Variants in HEMK2 observed in about 807,000 individuals in gnomAD.
HEMK2 encodes the protein HemK methyltransferase 2, ETF1 glutamine and histone H4 lysine.
At chr21:28,580,143 A>C in the HEMK2 span, among the ~76,000 whole-genome samples, 9 of 152,186 alleles carry the variant, frequency 5.9e-5, no homozygotes, top group African/African-American at 2.2e-4. Context: ...CACTTTGTAC[A>C]CTTCTTACGT....
chr21:28,735,597 C>T, the HEMK2 span, among the ~76,000 whole-genome samples: 1 of 152,090 alleles, frequency 6.6e-6, no homozygotes, highest in Admixed American at 6.6e-5. Context: ...TAAAAAGAGA[C>T]AAGGGTCCCA....
At chr21:28,818,405 C>T in the HEMK2 span, among the ~76,000 whole-genome samples, 1 of 152,062 alleles carries the variant, frequency 6.6e-6, no homozygotes, top group East Asian at 1.9e-4. Flanking sequence ...GGGACCTCAC[C>T]TTATGATTGT....
At chr21:28,832,413 A>C in the HEMK2 span, among the ~76,000 whole-genome samples, 1 of 152,170 alleles carries the variant, frequency 6.6e-6, no homozygotes, top group East Asian at 1.9e-4. Context: ...CTCCATTACC[A>C]TTGATGTAAA....
chr21:28,681,759 T>C, the HEMK2 span, among the ~76,000 whole-genome samples: 2 of 151,008 alleles, frequency 1.3e-5, no homozygotes, highest in Non-Finnish European at 3.0e-5. Flanking sequence ...TATTTACAAC[T>C]ATCTGATTTT....
the HEMK2 span, among the ~76,000 whole-genome samples, chr21:28,714,685 G>A: frequency 6.6e-6 from 1 of 152,162 alleles, no homozygotes; most frequent in South Asian, 2.1e-4. Context: ...GGGTACATGT[G>A]CAGGTTTGTC....
chr21:28,821,190 A>T, the HEMK2 span, among the ~76,000 whole-genome samples: 1 of 151,748 alleles, frequency 6.6e-6, no homozygotes, highest in Non-Finnish European at 1.5e-5. Flanking sequence ...CCATCACCCG[A>T]CCCCGGCCCC....
the HEMK2 span, among the ~76,000 whole-genome samples, chr21:28,604,186 T>C: frequency 5.6e-4 from 85 of 152,304 alleles, no homozygotes; most frequent in Admixed American, 1.6e-3. Context: ...CCCTGCTTCA[T>C]ATAGAACTGG....
chr21:28,688,221 T>G, the HEMK2 span, among the ~76,000 whole-genome samples: 1 of 152,230 alleles, frequency 6.6e-6, no homozygotes, highest in Non-Finnish European at 1.5e-5. Context: ...CATTGCCCAT[T>G]CATTGAGAGT....
At chr21:28,734,068 A>AT in the HEMK2 span, among the ~76,000 whole-genome samples, 1 of 137,538 alleles carries the variant, frequency 7.3e-6, no homozygotes, top group East Asian at 2.3e-4. Flanking sequence ...CTGAAATACT[A>AT]TAGCAATCAA....
chr21:28,853,298 C>T, the HEMK2 span, among the ~76,000 whole-genome samples: 1 of 152,178 alleles, frequency 6.6e-6, no homozygotes, highest in African/African-American at 2.4e-5. Context: ...TTTCAGCTAA[C>T]CAAGCAAATA....
the HEMK2 span, among the ~76,000 whole-genome samples, chr21:28,691,296 T>C: frequency 5.4e-3 from 830 of 152,348 alleles, 11 homozygotes; most frequent in African/African-American, 0.019. Flanking sequence ...TAACCAGTTT[T>C]TGAAACAATG....
the HEMK2 span, among the ~76,000 whole-genome samples, chr21:28,689,681 CA>C: frequency 6.6e-6 from 1 of 152,132 alleles, no homozygotes; most frequent in African/African-American, 2.4e-5. Flanking sequence ...TGTGAAGAGA[CA>C]TTGAAGATGG....
At chr21:28,681,743 G>A in the HEMK2 span, among the ~76,000 whole-genome samples, 1 of 150,942 alleles carries the variant, frequency 6.6e-6, no homozygotes, top group Non-Finnish European at 1.5e-5. Flanking sequence ...CAGAAATAAT[G>A]CCGCATATTT....
the HEMK2 span, among the ~76,000 whole-genome samples, chr21:28,752,479 C>T: frequency 8.5e-5 from 13 of 152,184 alleles, no homozygotes; most frequent in African/African-American, 2.4e-4. Context: ...AATCTTGATG[C>T]TTCTTCCATA....
chr21:28,885,079 C>T, the HEMK2 span: 1 of 1,295,836 alleles, frequency 7.7e-7, no homozygotes, highest in South Asian at 1.8e-5. Context: ...GGCGTCCTGG[C>T]TGTCAATCAT....
the HEMK2 span, among the ~76,000 whole-genome samples, chr21:28,589,479 C>T: frequency 3.3e-5 from 5 of 151,890 alleles, no homozygotes; most frequent in African/African-American, 9.7e-5. Context: ...AGGAACTTCA[C>T]ATGGGCAATG....
the HEMK2 span, among the ~76,000 whole-genome samples, chr21:28,587,884 G>T: frequency 6.6e-6 from 1 of 152,174 alleles, no homozygotes; most frequent in Non-Finnish European, 1.5e-5. Flanking sequence ...GATTAAAATA[G>T]CATACTTTGG....
chr21:28,798,770 C>T, the HEMK2 span, among the ~76,000 whole-genome samples: 1 of 152,304 alleles, frequency 6.6e-6, no homozygotes, highest in African/African-American at 2.4e-5. Context: ...ACAGCTAATA[C>T]AACTCCTTGG....
the HEMK2 span, among the ~76,000 whole-genome samples, chr21:28,646,393 A>G: frequency 6.6e-6 from 1 of 152,206 alleles, no homozygotes; most frequent in Non-Finnish European, 1.5e-5. Context: ...ATGAGGGGAC[A>G]ACTGCCTCTT....
Sources: gnomAD v4.1 joint callset for allele counts (sites outside exome capture counted in the v4.1 genomes callset) on GRCh38, gnomAD v4.1.1 for gene constraint, MANE v1.5 for transcripts, NCBI Gene and HGNC (gene_info 2026-07-23, HGNC 2026-07-21) for gene names.